The following NFIB variants were observed in gnomAD, a reference collection of about 807,000 sequenced individuals.
NFIB encodes the protein nuclear factor 1 B-type.
A neutral mutation model predicts 61.5 loss-of-function variants in NFIB; 11 were observed. The observed-to-expected ratio is 0.18, with a 90% CI of 0.11 to 0.30. The LOEUF is 0.30. NFIB is among the 10% of genes least tolerant of loss of function. The probability of loss-of-function intolerance (pLI) is 1.00; values close to 1 mark genes in which losing one functional copy is unlikely to be tolerated. For missense variants in NFIB, 471 were observed against 608.9 expected (o/e 0.77, Z 2.38); for synonymous variants, 260 against 216.5 (o/e 1.20, Z -1.76).
At chr9:14,323,674 T>C (rs1026687406) in intron 1 of NFIB, among the ~76,000 whole-genome samples, 3 of 152,224 alleles carry the variant, frequency 2.0e-5, no homozygotes, top group African/African-American at 7.2e-5. Context: ...ATTATTCTTA[T>C]CTCTCTACTA....
At chr9:14,247,673 T>C (rs2055087321) in intron 2 of NFIB, among the ~76,000 whole-genome samples, 1 of 152,210 alleles carries the variant, frequency 6.6e-6, no homozygotes, top group African/African-American at 2.4e-5. Context: ...TAAAGCAAGA[T>C]TTTAATACTT....
intron 2 of NFIB, among the ~76,000 whole-genome samples, chr9:14,245,570 C>A (rs1171993052): frequency 2.6e-5 from 4 of 152,006 alleles, no homozygotes; most frequent in South Asian, 2.1e-4. Flanking sequence ...TAATGTCATA[C>A]AAGCAATAAT....
the NFIB span, among the ~76,000 whole-genome samples, chr9:14,466,102 G>T: frequency 7.9e-5 from 12 of 152,244 alleles, no homozygotes; most frequent in African/African-American, 2.9e-4. Context: ...GAACGATCCA[G>T]TTCCCTGATG....
At chr9:14,133,374 A>C (rs1448983106) in intron 6 of NFIB, among the ~76,000 whole-genome samples, 1 of 152,178 alleles carries the variant, frequency 6.6e-6, no homozygotes, top group Non-Finnish European at 1.5e-5. Flanking sequence ...CTTTCCATTA[A>C]AATGTTGGGT....
chr9:14,145,132 G>GC (rs1334845775), intron 6 of NFIB, among the ~76,000 whole-genome samples: 6 of 152,014 alleles, frequency 3.9e-5, no homozygotes. Context: ...CCGTCTGAGG[G>GC]GGGGGTCTCA....
chr9:14,304,666 G>A (rs916824695), intron 2 of NFIB, among the ~76,000 whole-genome samples: 2 of 152,080 alleles, frequency 1.3e-5, no homozygotes, highest in Non-Finnish European at 2.9e-5. Context: ...TTTTTCTTTC[G>A]TGTTTTCCTT....
At chr9:14,518,699 G>C in the NFIB span, among the ~76,000 whole-genome samples, 7 of 152,076 alleles carry the variant, frequency 4.6e-5, no homozygotes, top group Admixed American at 2.6e-4. Context: ...AAGTTGTAGA[G>C]GAAGGGAAGC....
chr9:14,480,055 GT>G, the NFIB span, among the ~76,000 whole-genome samples: 3 of 151,356 alleles, frequency 2.0e-5, no homozygotes, highest in Non-Finnish European at 4.4e-5. Flanking sequence ...TTTGTTTTTT[GT>G]TTTTTTTAAT....
At chr9:14,184,057 T>C (rs1311061810) in intron 2 of NFIB, among the ~76,000 whole-genome samples, 2 of 151,420 alleles carry the variant, frequency 1.3e-5, no homozygotes, top group East Asian at 2.0e-4. Flanking sequence ...CACTCCTTTT[T>C]TAAAAGCGGT....
chr9:14,295,462 T>C (rs1285165932), intron 2 of NFIB, among the ~76,000 whole-genome samples: 2 of 150,914 alleles, frequency 1.3e-5, no homozygotes, highest in Admixed American at 6.6e-5. Context: ...CCGTCTCTAC[T>C]AAACATACAA....
At chr9:14,215,407 TTAAC>T (rs2050751520) in intron 2 of NFIB, among the ~76,000 whole-genome samples, 1 of 151,888 alleles carries the variant, frequency 6.6e-6, no homozygotes, top group African/African-American at 2.4e-5. Context: ...TTATTAAAAG[TTAAC>T]TAATAAATAA....
chr9:14,338,459 G>C (rs1185723191), intron 1 of NFIB, among the ~76,000 whole-genome samples: 1 of 152,258 alleles, frequency 6.6e-6, no homozygotes, highest in East Asian at 1.9e-4. Flanking sequence ...AATGAGCTTA[G>C]GAGTAGAACA....
intron 2 of NFIB, chr9:14,306,118 A>C: frequency 2.4e-6 from 1 of 412,950 alleles, no homozygotes; most frequent in Non-Finnish European, 4.1e-6. Context: ...TTTAGGTAAA[A>C]TGTATACCAT....
Position 14,113,010 on chromosome 9 carries a change from G to A in NFIB, c.1456C>T (p.His486Tyr). 1.3e-6 allele frequency: 2 copies of A among 1,550,290 alleles called. No homozygotes were observed. Among genetic ancestry groups the A allele is most frequent in the Non-Finnish European group, 1.7e-6 (2 of 1,146,828 alleles). Reference sequence around the variant, plus strand: ...TGAAACTTGCCCACCTGTTGCTGATGTAGGAAGGATGGGTCTCTTGGGCTT... The same window carrying A: ...TGAAACTTGCCCACCTGTTGCTGATATAGGAAGGATGGGTCTCTTGGGCTT... ...GLSPRDPSFL[H>Y]QQQSWYLG The change falls in exon 10 of 11, where the codon CAT (histidine) becomes TAT (tyrosine). Residue 486 changes from histidine to tyrosine, a missense_variant. Physicochemically the swap from His to Tyr is moderately conservative, Grantham distance 83. Transcript: ENST00000380953.
At chr9:14,308,117 T>C (rs1004017710) in intron 1 of NFIB, 2 of 152,258 alleles carry the variant, frequency 1.3e-5, no homozygotes, top group African/African-American at 2.4e-5. Context: ...ACAAAGAGCA[T>C]GCGCCATTAA....
chr9:14,088,227 T>G lies in NFIB; in HGVS notation c.*82A>C. The G allele has an allele frequency of 6.4e-7, 1 of 1,562,708 alleles. No homozygotes were observed. The highest frequency in any genetic ancestry group is 8.7e-7 in the Non-Finnish European group (1 of 1,150,782). ...TGCTTGTTTCTGCTTGAAGGAAAGG[T>G]TCTCCAATTATGTTCAAACCGTAAT... is the stretch of plus-strand genomic sequence containing the variant. On this transcript the variant is annotated 3_prime_UTR_variant, in exon 11 of 11. Coordinates refer to ENST00000380953, the MANE Select transcript of NFIB (RefSeq NM_001190737.2).
the NFIB span, among the ~76,000 whole-genome samples, chr9:14,422,316 T>C: frequency 1.3e-5 from 2 of 152,198 alleles, no homozygotes; most frequent in Non-Finnish European, 2.9e-5. Context: ...TTGAAATTCA[T>C]TAATTATTAG....
chr9:14,204,336 C>A, intron 2 of NFIB: 1 of 762,816 alleles, frequency 1.3e-6, no homozygotes, highest in East Asian at 2.5e-5. Context: ...GTGGTCAACC[C>A]CCTGTTTGAG....
At chr9:14,270,579 C>A (rs1220944063) in intron 2 of NFIB, among the ~76,000 whole-genome samples, 964 of 54,240 alleles carry the variant, frequency 0.018, no homozygotes, top group East Asian at 0.032. Flanking sequence ...CCTTAGATCA[C>A]AAAAAAAAAA....
Sources: gnomAD v4.1 joint callset for allele counts (sites outside exome capture counted in the v4.1 genomes callset) on GRCh38, gnomAD v4.1.1 for gene constraint, MANE v1.5 for transcripts, NCBI Gene and HGNC (gene_info 2026-07-23, HGNC 2026-07-21) for gene names.